NEDD4L: variants seen among roughly 807,000 people sequenced by gnomAD.
NEDD4L encodes E3 ubiquitin-protein ligase NEDD4-like.
A neutral mutation model predicts 148.9 loss-of-function variants in NEDD4L; 54 were observed. That is an observed-to-expected ratio of 0.36 (90% CI 0.29 to 0.45). NEDD4L has a LOEUF of 0.45. NEDD4L is among the 20% of genes least tolerant of loss of function. NEDD4L has a pLI of 1.00. For synonymous variants in NEDD4L, 433 were observed against 440.7 expected (o/e 0.98, Z 0.22); for missense variants, 856 against 1,233.8 (o/e 0.69, Z 4.59).
chr18:58,149,446 G>A (rs1599115332), intron 1 of NEDD4L: 5 of 1,531,310 alleles, frequency 3.3e-6, no homozygotes, highest in East Asian at 2.5e-5. Context: ...CTGCAGCCAC[G>A]ACTTCCGCAT....
chr18:58,129,954 G>A (rs1280436699), intron 1 of NEDD4L, among the ~76,000 whole-genome samples: 1 of 150,652 alleles, frequency 6.6e-6, no homozygotes, highest in Non-Finnish European at 1.5e-5. Context: ...GGCTCTGTTG[G>A]GGTTTGGTTG....
intron 2 of NEDD4L, among the ~76,000 whole-genome samples, chr18:58,206,419 A>G (rs1381059403): frequency 2.6e-5 from 4 of 151,924 alleles, no homozygotes; most frequent in Admixed American, 1.3e-4. Context: ...AACAACAAAA[A>G]CCCAAACTTT....
intron 1 of NEDD4L, among the ~76,000 whole-genome samples, chr18:58,128,289 C>T (rs1469385622): frequency 1.3e-5 from 2 of 152,160 alleles, no homozygotes; most frequent in Non-Finnish European, 2.9e-5. Context: ...TCAGGTGATC[C>T]ACCCGCCTCG....
In NEDD4L at chr18:58,367,769, A is replaced by G. The variant is rs1776241287; in HGVS notation, c.2087A>G (p.Asn696Ser). ...AGGGACAACTACACCCTTCAGATCA[A>G]CCCTAATTCAGGCCTCTGTAATGAG... ...SATDNYTLQI[N>S]PNSGLCNEDH... The change falls in exon 22 of 31, where the codon AAC becomes AGC. Residue 696 changes from asparagine to serine, a missense_variant. Physicochemically the swap from Asn to Ser is conservative, Grantham distance 46 (BLOSUM62 1). This residue lies in a region of NEDD4L where 286 missense variants were observed against 531.8 expected (regional missense o/e 0.54). Transcript: ENST00000400345. 1.2e-6 allele frequency: 2 copies of G among 1,613,868 alleles called. No individual in the cohort carries two copies. Among genetic ancestry groups the G allele is most frequent in the Non-Finnish European group, 1.7e-6 (2 of 1,179,814 alleles).
At chr18:58,309,654 GTT>G (rs2057452406) in intron 5 of NEDD4L, among the ~76,000 whole-genome samples, 1 of 151,084 alleles carries the variant, frequency 6.6e-6, no homozygotes, top group Non-Finnish European at 1.5e-5. Flanking sequence ...CGCACCCCCA[GTT>G]TCCTGGGTCT....
At chr18:58,068,254 C>T (rs914533416) in intron 1 of NEDD4L, among the ~76,000 whole-genome samples, 45 of 142,932 alleles carry the variant, frequency 3.1e-4, no homozygotes, top group Non-Finnish European at 2.2e-4. Context: ...GGCTGGAGTG[C>T]AGTGGCATGA....
rs557042875 is a variant in NEDD4L at position 58,229,483 on chromosome 18, CTGTT to C, written c.123-15940_123-15937del. Among the ~76,000 whole-genome samples the C allele has an allele frequency of 3.1e-4, 47 of 152,286 alleles. No individual in the cohort carries two copies. The South Asian group carries it at 8.7e-3, about 28-fold the overall frequency. ...CCTAGCTGGGGGGGAGCTCATGTCT[CTGTT>C]TGTGCTAATGCTCGCTGTATCCCCA... is the stretch of plus-strand genomic sequence containing the variant. On this transcript the variant is annotated intron_variant, in intron 2 of 30. Transcript: ENST00000400345.
chr18:58,228,413 A>G (rs985000706), intron 2 of NEDD4L, among the ~76,000 whole-genome samples: 1 of 152,204 alleles, frequency 6.6e-6, no homozygotes, highest in African/African-American at 2.4e-5. Flanking sequence ...TCTGAGAACT[A>G]AAAGTCATAG....
intron 1 of NEDD4L, among the ~76,000 whole-genome samples, chr18:58,153,201 T>TA (rs142987456): frequency 6.8e-6 from 1 of 147,570 alleles, no homozygotes; most frequent in Admixed American, 6.6e-5. Context: ...AATTTTTTTT[T>TA]AAAAAAATGA....
At chr18:58,316,182 A>G (rs1385278151) in intron 6 of NEDD4L, 150 bp downstream of exon 6, 3 of 703,424 alleles carry the variant, frequency 4.3e-6, no homozygotes, top group African/African-American at 3.5e-5. Flanking sequence ...CTTTCTGGAA[A>G]GTGGTCCTTT....
At chr18:58,340,614 T>G (rs2042298236) in intron 13 of NEDD4L, among the ~76,000 whole-genome samples, 1 of 152,206 alleles carries the variant, frequency 6.6e-6, no homozygotes. Context: ...GAGCACCCCA[T>G]GGGAGCTACA....
Position 58,335,365 on chromosome 18 carries a change from A to C in NEDD4L, c.1066-113A>C, listed in dbSNP as rs181835142. 20 of 826,818 alleles carry C rather than the reference A, an allele frequency of 2.4e-5. No individual in the cohort carries two copies. The East Asian group carries it at 5.1e-4, about 21-fold the overall frequency. The allele number at this position is 826,818 out of a possible 1,614,324, so 51.2% of individuals were successfully genotyped here. ...TGTCTGGATAGGGTGGGTTTCAGGG[A>C]TTCTGATCTCACGTCACCTGCCTTA... On this transcript the variant is annotated intron_variant, in intron 12 of 30. Coordinates refer to ENST00000400345, the MANE Select transcript of NEDD4L (RefSeq NM_001144967.3).
intron 1 of NEDD4L, among the ~76,000 whole-genome samples, chr18:58,122,111 C>A (rs1471241674): frequency 6.6e-6 from 1 of 152,230 alleles, no homozygotes; most frequent in Non-Finnish European, 1.5e-5. Context: ...TGGCTTACAG[C>A]TGCCATTCAG....
At chr18:58,072,868 GCGCGCACACACA>G (rs1246351069) in intron 1 of NEDD4L, among the ~76,000 whole-genome samples, 239 of 115,874 alleles carry the variant, frequency 2.1e-3, no homozygotes, top group African/African-American at 2.7e-3. Flanking sequence ...GCGCGCGCGC[GCGCGCACACACA>G]CACACACACA....
intron 5 of NEDD4L, among the ~76,000 whole-genome samples, chr18:58,258,813 A>G (rs1357976395): frequency 2.0e-5 from 3 of 152,240 alleles, no homozygotes; most frequent in African/African-American, 7.2e-5. Context: ...CGCCTGCTCC[A>G]TTCAGCAACT....
rs2050565136 is a variant in NEDD4L at position 58,397,407 on chromosome 18, A to G, written c.*1138A>G. 6.6e-6 allele frequency: 1 copy of G among 152,496 alleles called. No individual in the cohort carries two copies. The highest frequency in any genetic ancestry group is 1.5e-5 in the Non-Finnish European group (1 of 68,040). The allele number at this position is 152,496 out of a possible 1,614,324, so 9.4% of individuals were successfully genotyped here. A position where few individuals can be genotyped will look rare whatever the true frequency, so the allele number is the denominator to read the frequency against. On this transcript the variant is annotated 3_prime_UTR_variant, in exon 31 of 31. Coordinates refer to ENST00000400345, the MANE Select transcript of NEDD4L (RefSeq NM_001144967.3). ...TGATGATGATTTCTTTTCCCTGCAC[A>G]CATCTTTCCGGTGCAATATCTATCA...
At position 58,126,941 on chromosome 18, in the gene NEDD4L, C is replaced by T. The variant is rs369595789; in HGVS notation, c.49-38847C>T. On this transcript the variant is annotated intron_variant, in intron 1 of 30. Transcript: ENST00000400345. ...AGGTGCCTGCCTGGGCAGCCCTGTC[C>T]TCACCTGGGGTTGACTGACCAGAGA... Among the ~76,000 whole-genome samples the T allele has an allele frequency of 2.0e-3, 308 of 152,372 alleles. 1 individual carries two copies. The highest frequency in any genetic ancestry group is 7.0e-3 in the African/African-American group (292 of 41,590).
intron 2 of NEDD4L, among the ~76,000 whole-genome samples, chr18:58,183,985 T>A (rs529365476): frequency 2.6e-5 from 4 of 152,040 alleles, no homozygotes; most frequent in East Asian, 1.9e-4. Flanking sequence ...CTGGCTAACA[T>A]GGTGAAACCC....
At chr18:58,365,921 C>A (rs1568861555) in intron 20 of NEDD4L, 78 bp from the exon 21 acceptor site, 3 of 1,000,612 alleles carry the variant, frequency 3.0e-6, no homozygotes, top group Admixed American at 2.7e-5. Context: ...ACTTTTCTAC[C>A]ATTTGCTGTT....
Sources: gnomAD v4.1 joint callset for allele counts (sites outside exome capture counted in the v4.1 genomes callset) on GRCh38, gnomAD v4.1.1 for gene constraint, gnomAD v4.1.1 regional missense constraint, MANE v1.5 for transcripts, NCBI Gene and HGNC (gene_info 2026-07-23, HGNC 2026-07-21) for gene names.